The following PLCB1 variants were observed in gnomAD, a reference collection of about 807,000 sequenced individuals.
PLCB1 encodes the protein 1-phosphatidylinositol 4,5-bisphosphate phosphodiesterase beta-1.
Under a neutral mutation model 161.8 loss-of-function variants are expected in PLCB1, and 46 were observed. That is an observed-to-expected ratio of 0.28 (90% CI 0.22 to 0.36). The LOEUF (loss-of-function observed/expected upper bound fraction) is 0.36, where lower values mean the gene tolerates loss of function less well. PLCB1 is among the 10% of genes least tolerant of loss of function. The pLI is 1.00. For missense variants in PLCB1, 1,016 were observed against 1,472.5 expected (o/e 0.69, Z 5.07); for synonymous variants, 517 against 503.7 (o/e 1.03, Z -0.35).
chr20:8,729,393 G>C (rs1980111930), intron 18 of PLCB1: 1 of 340,848 alleles, frequency 2.9e-6, no homozygotes, highest in Non-Finnish European at 5.2e-6. Context: ...ATTTCTACAG[G>C]CTTTGCATTA....
chr20:8,750,360 C>T (rs1981391330), intron 23 of PLCB1, among the ~76,000 whole-genome samples: 1 of 152,072 alleles, frequency 6.6e-6, no homozygotes, highest in South Asian at 2.1e-4. Flanking sequence ...TTGCTTCTAA[C>T]TCACCCTGGT....
intron 31 of PLCB1, among the ~76,000 whole-genome samples, chr20:8,813,936 T>C (rs932389711): frequency 2.0e-5 from 3 of 152,232 alleles, no homozygotes; most frequent in Non-Finnish European, 4.4e-5. Context: ...GCGGAATTCA[T>C]AGGTGAATGC....
At chr20:8,328,447 T>C (rs185792563) in intron 2 of PLCB1, among the ~76,000 whole-genome samples, 112 of 152,144 alleles carry the variant, frequency 7.4e-4, no homozygotes, top group African/African-American at 1.2e-3. Flanking sequence ...TTTTTAAGCA[T>C]ATGACATATG....
At position 8,862,439 on chromosome 20, in the gene PLCB1, T is replaced by G. The variant is rs557468547; in HGVS notation, c.3424-19183T>G. 2.0e-5 allele frequency among the ~76,000 whole-genome samples: 3 copies of G among 152,308 alleles called. No homozygotes were observed. In the East Asian group the frequency reaches 5.8e-4, roughly 29 times the overall value. On this transcript the variant is annotated intron_variant, in intron 31 of 31. Coordinates refer to ENST00000338037, the MANE Select transcript of PLCB1 (RefSeq NM_015192.4). ...TCTTCTCCGTTTGGAAATAGCTTCA[T>G]AGCAGGTTAGGTCTATAGACCTTAA...
At chr20:8,827,228 T>C (rs981335489) in intron 31 of PLCB1, among the ~76,000 whole-genome samples, 10 of 152,210 alleles carry the variant, frequency 6.6e-5, no homozygotes, top group African/African-American at 2.2e-4. Context: ...TCACTGAATT[T>C]GGAAGTGATG....
intron 31 of PLCB1, among the ~76,000 whole-genome samples, chr20:8,814,327 A>G (rs1373580935): frequency 6.6e-6 from 1 of 152,234 alleles, no homozygotes; most frequent in Non-Finnish European, 1.5e-5. Flanking sequence ...ATTGAAGCTA[A>G]TTTAGTTGAG....
intron 3 of PLCB1, among the ~76,000 whole-genome samples, chr20:8,373,917 T>C (rs1401159367): frequency 2.0e-5 from 3 of 152,158 alleles, no homozygotes; most frequent in African/African-American, 7.2e-5. Flanking sequence ...ATTGGACAAA[T>C]AAAAATATAA....
chr20:8,744,113 CTATGACACACCTA>C (rs1600292393), intron 23 of PLCB1, among the ~76,000 whole-genome samples: 1 of 152,062 alleles, frequency 6.6e-6, no homozygotes, highest in East Asian at 1.9e-4. Flanking sequence ...TACCAAACCC[CTATGACACACCTA>C]TATGACAAAC....
chr20:8,658,658 A>G lies in PLCB1; in HGVS notation c.816A>G (p.Gln272=), dbSNP rs773100834. The G allele has an allele frequency of 6.6e-5, 106 of 1,612,464 alleles. No homozygotes were observed. Among genetic ancestry groups the G allele is most frequent in the Non-Finnish European group, 9.0e-5 (106 of 1,179,314 alleles). Residue 272 remains glutamine, a synonymous_variant, in exon 9 of 32, where the codon CAA becomes CAG. Transcript: ENST00000338037. The part of the protein sequence containing the change: ...LYPPLKQEQV[Q]VLIEKYEPNN... ...CACCTCTAAAACAAGAGCAAGTCCAAGTATTGATTGAGAAGTATGAACCCA... is the reference window on the plus strand; with the variant it reads ...CACCTCTAAAACAAGAGCAAGTCCAGGTATTGATTGAGAAGTATGAACCCA...
chr20:8,815,672 C>T (rs1985052804), intron 31 of PLCB1, among the ~76,000 whole-genome samples: 1 of 152,156 alleles, frequency 6.6e-6, no homozygotes, highest in African/African-American at 2.4e-5. Context: ...TCAAACCCGA[C>T]CACTCTCTTC....
At chr20:8,742,543 A>T (rs1483658288) in intron 23 of PLCB1, among the ~76,000 whole-genome samples, 1 of 152,220 alleles carries the variant, frequency 6.6e-6, no homozygotes, top group Non-Finnish European at 1.5e-5. Context: ...TAATTCAAAC[A>T]TCCCATCCGC....
intron 9 of PLCB1, among the ~76,000 whole-genome samples, chr20:8,677,922 G>T (rs1467170428): frequency 1.3e-5 from 2 of 152,066 alleles, no homozygotes; most frequent in African/African-American, 4.8e-5. Context: ...TAAAGGGGAA[G>T]ACATGGCATA....
At chr20:8,158,014 C>G (rs1022461187) in intron 2 of PLCB1, among the ~76,000 whole-genome samples, 5 of 152,182 alleles carry the variant, frequency 3.3e-5, no homozygotes, top group African/African-American at 4.8e-5. Context: ...ATATATTTAG[C>G]TCTTCCCACT....
intron 3 of PLCB1, among the ~76,000 whole-genome samples, chr20:8,551,129 C>A (rs897579018): frequency 1.3e-5 from 2 of 152,054 alleles, no homozygotes; most frequent in African/African-American, 2.4e-5. Flanking sequence ...CTCATAAATT[C>A]TTTTGCTAAA....
chr20:8,557,016 T>TAAATA (rs1555771062), intron 3 of PLCB1, among the ~76,000 whole-genome samples: 1 of 121,264 alleles, frequency 8.2e-6, no homozygotes, highest in Non-Finnish European at 1.6e-5. Flanking sequence ...ATAAATAAAA[T>TAAATA]AAATAAAAAA....
chr20:8,817,237 G>A (rs1389085907), intron 31 of PLCB1, among the ~76,000 whole-genome samples: 1 of 152,204 alleles, frequency 6.6e-6, no homozygotes, highest in Non-Finnish European at 1.5e-5. Flanking sequence ...TGGGAAAAAA[G>A]TAGAGAACGC....
intron 25 of PLCB1, 29 bp downstream of exon 25, chr20:8,760,489 T>C (rs1187070900): frequency 6.5e-7 from 1 of 1,530,844 alleles, no homozygotes; most frequent in Middle Eastern, 1.7e-4. Context: ...CCCCATGGAA[T>C]TAAGCAGCTC....
chr20:8,448,263 A>G (rs1176297271), intron 3 of PLCB1, among the ~76,000 whole-genome samples: 1 of 152,216 alleles, frequency 6.6e-6, no homozygotes, highest in Non-Finnish European at 1.5e-5. Flanking sequence ...CCTTTCTGCT[A>G]GGTATCCTCA....
intron 2 of PLCB1, among the ~76,000 whole-genome samples, chr20:8,185,290 G>A (rs1239282383): frequency 2.0e-5 from 3 of 152,140 alleles, no homozygotes; most frequent in African/African-American, 7.2e-5. Flanking sequence ...CAAAAATGAT[G>A]TGTTTACAAG....
Sources: allele counts gnomAD v4.1 joint callset (sites outside exome capture counted in the v4.1 genomes callset), GRCh38; gene constraint gnomAD v4.1.1; transcripts MANE v1.5; gene names NCBI Gene and HGNC (gene_info 2026-07-23, HGNC 2026-07-21).